PTK7: variants seen among roughly 807,000 people sequenced by gnomAD.
The protein encoded by PTK7 is inactive tyrosine-protein kinase 7.
Under a neutral mutation model 116.6 loss-of-function variants are expected in PTK7, and 39 were observed. The ratio of observed to expected loss-of-function variants is 0.33; its 90% CI spans 0.26 to 0.44. The LOEUF (loss-of-function observed/expected upper bound fraction) is 0.44, where lower values mean the gene tolerates loss of function less well. Ranked by LOEUF, PTK7 falls within the 20% of genes least tolerant of loss-of-function variation. The pLI, the probability that PTK7 is intolerant of heterozygous loss-of-function variation, is 1.00. For synonymous variants in PTK7, 546 were observed against 563.6 expected, an observed-to-expected ratio of 0.97 and a Z score of 0.44; for missense variants, 1,169 against 1,425.6, an observed-to-expected ratio of 0.82 and a Z score of 2.90.
intron 17 of PTK7, among the ~76,000 whole-genome samples, chr6:43,147,145 G>A (rs962260691): frequency 6.6e-6 from 1 of 152,240 alleles, no homozygotes; most frequent in African/African-American, 2.4e-5. Flanking sequence ...ACTCTTCTGT[G>A]AATGGGCTGC....
At chr6:43,121,548 C>G (rs1319384864) in intron 1 of PTK7, among the ~76,000 whole-genome samples, 2 of 150,680 alleles carry the variant, frequency 1.3e-5, no homozygotes, top group East Asian at 1.9e-4. Flanking sequence ...CCTGGGAAGA[C>G]AGAAGGGGAG....
Position 43,160,973 on chromosome 6 carries a change from C to A in PTK7, c.*92C>A. ...TGGGCAAGATCCCTGTCCTCCTGGGCCCTGAGGCCCCTGCCCTAGTGCAAC... is the reference window on the plus strand; with the variant it reads ...TGGGCAAGATCCCTGTCCTCCTGGGACCTGAGGCCCCTGCCCTAGTGCAAC... On this transcript the variant is annotated 3_prime_UTR_variant, in exon 20 of 20. Transcript: ENST00000230419. The A allele has an allele frequency of 6.8e-7, 1 of 1,472,508 alleles. No homozygotes were observed. The highest frequency in any genetic ancestry group is 9.1e-7 in the Non-Finnish European group (1 of 1,101,524). 91.2% of individuals were successfully genotyped at this position (1,472,508 alleles called of 1,614,324 possible).
chr6:43,086,572 A>G (rs1766671760), intron 1 of PTK7, among the ~76,000 whole-genome samples: 1 of 152,172 alleles, frequency 6.6e-6, no homozygotes, highest in Non-Finnish European at 1.5e-5. Flanking sequence ...GCAGTGGCTT[A>G]CGCCTGTAAT....
chr6:43,129,344 A>C lies in PTK7; in HGVS notation c.367+80A>C. 1 of 1,513,564 alleles carries C rather than the reference A, an allele frequency of 6.6e-7. No individual in the cohort carries two copies. The highest frequency in any genetic ancestry group is 9.0e-7 in the Non-Finnish European group (1 of 1,111,042). 93.8% of individuals were successfully genotyped at this position (1,513,564 alleles called of 1,614,324 possible). ...GCCTGGGGGATCCCTCCCTTACCTCAGCTTCTCCCATTTCCAGTTAAACGG... is the reference window on the plus strand; with the variant it reads ...GCCTGGGGGATCCCTCCCTTACCTCCGCTTCTCCCATTTCCAGTTAAACGG... On this transcript the variant is annotated intron_variant, in intron 2 of 19. Transcript: ENST00000230419. This position sits in a 1 kb window ranked among gnomAD's most constrained non-coding sequence, Gnocchi z 4.5.
intron 1 of PTK7, among the ~76,000 whole-genome samples, chr6:43,112,709 C>T (rs753522836): frequency 6.6e-5 from 10 of 152,012 alleles, no homozygotes; most frequent in Non-Finnish European, 1.2e-4. Context: ...CCACTGCACC[C>T]GGCCCCATTT....
chr6:43,124,714 C>T lies in PTK7; in HGVS notation c.80-4263C>T, dbSNP rs374120805. On this transcript the variant is annotated intron_variant, in intron 1 of 19. Transcript: ENST00000230419. Reference sequence around the variant, plus strand: ...CAACAAACAACAGGCCAACGTCCCCCGCTGCAAGCTGGGCAGATGGCCAGG... The same window carrying T: ...CAACAAACAACAGGCCAACGTCCCCTGCTGCAAGCTGGGCAGATGGCCAGG... Among the ~76,000 whole-genome samples the T allele has an allele frequency of 7.2e-5, 11 of 152,290 alleles. No individual in the cohort carries two copies. In the East Asian group the frequency reaches 7.7e-4, roughly 11 times the overall value.
intron 1 of PTK7, among the ~76,000 whole-genome samples, chr6:43,089,523 A>G (rs1367870513): frequency 6.6e-6 from 1 of 152,196 alleles, no homozygotes; most frequent in East Asian, 1.9e-4. Flanking sequence ...CTCAGGGGGG[A>G]GAAAAAAAGG....
chr6:43,076,970 C>T lies in PTK7; in HGVS notation c.79+403C>T. The T allele has an allele frequency of 2.7e-6, 4 of 1,506,806 alleles. No homozygotes were observed. The highest frequency in any genetic ancestry group is 1.7e-4 in the Middle Eastern group (1 of 5,880). 93.3% of individuals were successfully genotyped at this position (1,506,806 alleles called of 1,614,324 possible). On this transcript the variant is annotated intron_variant, in intron 1 of 19. Transcript: ENST00000230419. The surrounding 1 kb of genome is among the most constrained non-coding windows in gnomAD (Gnocchi z 5.7). ...AGAAAAAGGAATTCCCCACCCCACC[C>T]GGCAGGGTCGGCCCAGGTAAGAGTT...
At chr6:43,090,400 G>A (rs1216510520) in intron 1 of PTK7, among the ~76,000 whole-genome samples, 1 of 152,218 alleles carries the variant, frequency 6.6e-6, no homozygotes, top group Non-Finnish European at 1.5e-5. Flanking sequence ...ACTGCTGTCG[G>A]TATTTGCAAA....
At chr6:43,113,673 T>C (rs1768319592) in intron 1 of PTK7, among the ~76,000 whole-genome samples, 1 of 152,176 alleles carries the variant, frequency 6.6e-6, no homozygotes, top group Non-Finnish European at 1.5e-5. Flanking sequence ...GCAGGAGTGC[T>C]GGGTCAGGGG....
chr6:43,123,692 G>A (rs935842958), intron 1 of PTK7, among the ~76,000 whole-genome samples: 1 of 152,190 alleles, frequency 6.6e-6, no homozygotes, highest in African/African-American at 2.4e-5. Flanking sequence ...AAATGGCTTG[G>A]AAAATGTCCT....
intron 1 of PTK7, among the ~76,000 whole-genome samples, chr6:43,124,039 G>A (rs1056056423): frequency 1.2e-4 from 19 of 152,278 alleles, no homozygotes; most frequent in Admixed American, 2.0e-4. Flanking sequence ...CCGGGGTCAC[G>A]TGGCCTGCAT....
At chr6:43,132,758 C>T (rs1456641704) in intron 7 of PTK7, 71 bp downstream of exon 7, 2 of 1,543,510 alleles carry the variant, frequency 1.3e-6, no homozygotes, top group Admixed American at 3.9e-5. Context: ...TGGACAGAGG[C>T]TTCCCTGGTA....
rs2150457426 is a variant in PTK7, at chr6:43,145,445, C to T, written c.2640+13C>T. On this transcript the variant is annotated intron_variant, in intron 16 of 19. Coordinates refer to ENST00000230419, the MANE Select transcript of PTK7 (RefSeq NM_002821.5). The surrounding 1 kb of genome is among the most constrained non-coding windows in gnomAD (Gnocchi z 4.8). Reference sequence around the variant, plus strand: ...ATATGTGGATCTGGTATGCTGTTGGCAGGGGACGTGGGGGTCTCGGGTAGG... The same window carrying T: ...ATATGTGGATCTGGTATGCTGTTGGTAGGGGACGTGGGGGTCTCGGGTAGG... 6.5e-7 allele frequency: 1 copy of T among 1,527,886 alleles called. No homozygotes were observed. The highest frequency in any genetic ancestry group is 8.9e-7 in the Non-Finnish European group (1 of 1,128,194). The allele number at this position is 1,527,886 out of a possible 1,614,324, so 94.6% of individuals were successfully genotyped here.
intron 1 of PTK7, among the ~76,000 whole-genome samples, chr6:43,121,056 G>GTTTTTTTTT: frequency 8.4e-6 from 1 of 119,706 alleles, no homozygotes; most frequent in Admixed American, 8.5e-5. Flanking sequence ...CCATGTTTCT[G>GTTTTTTTTT]TTTTTTTTTT....
intron 7 of PTK7, among the ~76,000 whole-genome samples, chr6:43,138,188 T>G (rs77155127): frequency 1.4e-5 from 2 of 146,278 alleles, no homozygotes; most frequent in African/African-American, 5.1e-5. Context: ...TTGTTTTTTT[T>G]GTTTTTTTAG....
In PTK7 at chr6:43,076,817, G is replaced by C. The variant is rs2150362740; in HGVS notation, c.79+250G>C. On this transcript the variant is annotated intron_variant, in intron 1 of 19. Transcript: ENST00000230419. This position sits in a 1 kb window ranked among gnomAD's most constrained non-coding sequence, Gnocchi z 5.7. ...GCGGGGACGCATTTCCAGCCTCCCT[G>C]AGTTTTTCTGGTCTGAGCCGAGAGT... 1 of 1,411,776 alleles carries C rather than the reference G, an allele frequency of 7.1e-7. No homozygotes were observed. The highest frequency in any genetic ancestry group is 9.2e-7 in the Non-Finnish European group (1 of 1,081,522). The allele number at this position is 1,411,776 out of a possible 1,614,324, so 87.5% of individuals were successfully genotyped here.
At chr6:43,134,028 C>T (rs1769874894) in intron 7 of PTK7, among the ~76,000 whole-genome samples, 1 of 152,132 alleles carries the variant, frequency 6.6e-6, no homozygotes, top group Non-Finnish European at 1.5e-5. Context: ...CACCTGCTTT[C>T]ATTAGGGATA....
At chr6:43,149,002 T>A (rs1366230529) in intron 17 of PTK7, among the ~76,000 whole-genome samples, 2 of 134,818 alleles carry the variant, frequency 1.5e-5, no homozygotes, top group East Asian at 4.2e-4. Context: ...GAGGTTGCAG[T>A]GAGCCAAGAT....
Sources: gnomAD v4.1 joint callset for allele counts (sites outside exome capture counted in the v4.1 genomes callset) on GRCh38, gnomAD v4.1.1 for gene constraint, Gnocchi (gnomAD v3.1) non-coding constraint, MANE v1.5 for transcripts, NCBI Gene and HGNC (gene_info 2026-07-23, HGNC 2026-07-21) for gene names.